The following GALNT13 variants were observed in gnomAD, a reference collection of about 807,000 sequenced individuals.
The protein encoded by GALNT13 is polypeptide N-acetylgalactosaminyltransferase 13.
Under a neutral mutation model 64.2 loss-of-function variants are expected in GALNT13, and 28 were observed. The ratio of observed to expected loss-of-function variants is 0.44; its 90% CI spans 0.32 to 0.60. The LOEUF (loss-of-function observed/expected upper bound fraction) is 0.60. Among genes scored for constraint, GALNT13 ranks in the 20% least tolerant of loss-of-function variants. The pLI, the probability that GALNT13 is intolerant of heterozygous loss-of-function variation, is 0.05. For synonymous variants in GALNT13, 214 were observed against 224.6 expected, an observed-to-expected ratio of 0.95 and a Z score of 0.42; for missense variants, 577 against 669.8, an observed-to-expected ratio of 0.86 and a Z score of 1.53.
At chr2:154,084,822 CTATT>C (rs1701447322) in intron 3 of GALNT13, among the ~76,000 whole-genome samples, 1 of 151,818 alleles carries the variant, frequency 6.6e-6, no homozygotes, top group African/African-American at 2.4e-5. Context: ...GTTTAAGAAT[CTATT>C]TATATTTTGA....
chr2:153,535,132 C>T, the GALNT13 span, among the ~76,000 whole-genome samples: 255 of 151,716 alleles, frequency 1.7e-3, 1 homozygote, highest in South Asian at 3.1e-3. Flanking sequence ...GAAGGGAGGT[C>T]TTGTGGTAAG....
intron 9 of GALNT13, among the ~76,000 whole-genome samples, chr2:154,369,467 G>A (rs537129829): frequency 1.6e-4 from 24 of 152,248 alleles, no homozygotes; most frequent in African/African-American, 5.8e-4. Context: ...TTTAAGCATT[G>A]CATGTTTGCT....
At chr2:154,284,007 A>G (rs1198234905) in intron 8 of GALNT13, among the ~76,000 whole-genome samples, 1 of 152,202 alleles carries the variant, frequency 6.6e-6, no homozygotes, top group Non-Finnish European at 1.5e-5. Flanking sequence ...TTAACACATA[A>G]TAACTGTGTA....
intron 3 of GALNT13, among the ~76,000 whole-genome samples, chr2:154,035,432 G>A (rs765750505): frequency 6.6e-6 from 1 of 151,932 alleles, no homozygotes; most frequent in Non-Finnish European, 1.5e-5. Context: ...CTCCACACTC[G>A]TTAATGTCAC....
chr2:153,738,980 C>T, the GALNT13 span, among the ~76,000 whole-genome samples: 1 of 151,852 alleles, frequency 6.6e-6, no homozygotes, highest in African/African-American at 2.4e-5. Context: ...ACCATCTGTG[C>T]GTGATCACAC....
At chr2:153,388,099 G>A in the GALNT13 span, among the ~76,000 whole-genome samples, 148 of 151,986 alleles carry the variant, frequency 9.7e-4, no homozygotes, top group African/African-American at 3.5e-3. Flanking sequence ...GTAGGGGAAG[G>A]GAAAGGGAAA....
the GALNT13 span, among the ~76,000 whole-genome samples, chr2:153,361,733 C>A: frequency 2.0e-5 from 3 of 151,822 alleles, no homozygotes; most frequent in Non-Finnish European, 4.4e-5. Context: ...GTAAAAAGAC[C>A]AAACCTATGA....
chr2:153,144,672 G>A, the GALNT13 span, among the ~76,000 whole-genome samples: 89 of 151,926 alleles, frequency 5.9e-4, no homozygotes, highest in Non-Finnish European at 7.4e-5. Context: ...TCTTGGATAC[G>A]AAACAATCCT....
chr2:153,845,592 G>A, the GALNT13 span, among the ~76,000 whole-genome samples: 1 of 152,150 alleles, frequency 6.6e-6, no homozygotes, highest in Non-Finnish European at 1.5e-5. Flanking sequence ...ATGAGATTTG[G>A]ACGGGGACAG....
the GALNT13 span, among the ~76,000 whole-genome samples, chr2:153,801,480 C>T: frequency 6.6e-6 from 1 of 151,926 alleles, no homozygotes; most frequent in African/African-American, 2.4e-5. Flanking sequence ...AATAGGGAGG[C>T]CTGAGAAGAG....
chr2:154,314,963 A>G (rs548242654), intron 9 of GALNT13, among the ~76,000 whole-genome samples: 34 of 152,288 alleles, frequency 2.2e-4, no homozygotes, highest in African/African-American at 8.2e-4. Flanking sequence ...ATATAATTTG[A>G]GTTCACATCT....
At chr2:153,547,292 C>A in the GALNT13 span, among the ~76,000 whole-genome samples, 1 of 152,136 alleles carries the variant, frequency 6.6e-6, no homozygotes, top group Non-Finnish European at 1.5e-5. Context: ...AAACACAGCT[C>A]CTTCAAGGTT....
chr2:153,247,225 C>A, the GALNT13 span, among the ~76,000 whole-genome samples: 17 of 152,048 alleles, frequency 1.1e-4, no homozygotes, highest in African/African-American at 3.6e-4. Context: ...TTAGGAAGAT[C>A]GACAAAACAG....
chr2:153,666,321 C>A, the GALNT13 span, among the ~76,000 whole-genome samples: 1 of 152,122 alleles, frequency 6.6e-6, no homozygotes, highest in Non-Finnish European at 1.5e-5. Context: ...ACCCTGATAC[C>A]ACACTGTCTT....
intron 3 of GALNT13, among the ~76,000 whole-genome samples, chr2:154,094,704 T>A (rs1324022424): frequency 2.0e-5 from 3 of 151,916 alleles, no homozygotes; most frequent in Non-Finnish European, 4.4e-5. Context: ...ACTACCTTTA[T>A]TTTTAAAGGC....
chr2:153,990,041 T>G (rs1197084552), intron 3 of GALNT13, among the ~76,000 whole-genome samples: 1 of 152,052 alleles, frequency 6.6e-6, no homozygotes, highest in Non-Finnish European at 1.5e-5. Context: ...AGTCATAGAG[T>G]AACATAAGTA....
the GALNT13 span, among the ~76,000 whole-genome samples, chr2:153,295,210 T>A: frequency 6.6e-6 from 1 of 152,142 alleles, no homozygotes; most frequent in Non-Finnish European, 1.5e-5. Flanking sequence ...CAATATCAAA[T>A]GACTCTAGGA....
intron 9 of GALNT13, among the ~76,000 whole-genome samples, chr2:154,394,656 T>G (rs939643215): frequency 3.3e-5 from 5 of 152,244 alleles, no homozygotes; most frequent in Non-Finnish European, 7.3e-5. Flanking sequence ...TGATTTATTT[T>G]TGTAAATACT....
chr2:154,312,026 A>G (rs893824327), intron 9 of GALNT13, among the ~76,000 whole-genome samples: 2 of 152,172 alleles, frequency 1.3e-5, no homozygotes, highest in East Asian at 1.9e-4. Flanking sequence ...TGTGTAGTTA[A>G]CGCAATTATT....
Sources: allele counts gnomAD v4.1 joint callset (sites outside exome capture counted in the v4.1 genomes callset), GRCh38; gene constraint gnomAD v4.1.1; transcripts MANE v1.5; gene names NCBI Gene and HGNC (gene_info 2026-07-23, HGNC 2026-07-21).